ERMP1: variants seen among roughly 807,000 people sequenced by gnomAD.
The protein encoded by ERMP1 is Felix-ina.
Under a neutral mutation model 92.0 loss-of-function variants are expected in ERMP1, and 86 were observed. The observed-to-expected ratio is 0.93, with a 90% confidence interval of 0.79 to 1.12. ERMP1 has a LOEUF of 1.12. Ranked by LOEUF, ERMP1 falls within the 50% of genes most tolerant of loss-of-function variation. The pLI, the probability that ERMP1 is intolerant of heterozygous loss-of-function variation, is 0.00. For synonymous variants in ERMP1, 530 were observed against 412.8 expected (o/e 1.28, Z -3.44); for missense variants, 1,342 against 1,116.3 (o/e 1.20, Z -2.88).
intron 5 of ERMP1, among the ~76,000 whole-genome samples, chr9:5,866,694 A>G (rs1830674882): frequency 6.6e-6 from 1 of 152,230 alleles, no homozygotes; most frequent in Non-Finnish European, 1.5e-5. Flanking sequence ...GATTTGAATT[A>G]ATAGTATTAT....
intron 5 of ERMP1, among the ~76,000 whole-genome samples, chr9:5,863,695 C>T (rs1166532530): frequency 6.6e-6 from 1 of 152,066 alleles, no homozygotes; most frequent in African/African-American, 2.4e-5. Flanking sequence ...CTTCTTGGAG[C>T]CTTCAAAAAA....
intron 11 of ERMP1, 127 bp from the exon 12 acceptor site, chr9:5,799,135 T>C (rs1298895190): frequency 3.1e-6 from 2 of 637,012 alleles, no homozygotes; most frequent in Admixed American, 5.7e-5. Context: ...AATAAGACAC[T>C]GAGAGTTTCT....
chr9:5,801,791 C>T (rs1312935169), intron 10 of ERMP1, among the ~76,000 whole-genome samples: 1 of 151,978 alleles, frequency 6.6e-6, no homozygotes, highest in Non-Finnish European at 1.5e-5. Context: ...AGAGATGTAC[C>T]TTCAAGACTC....
At chr9:5,856,001 T>C in intron 6 of ERMP1, 1 of 317,624 alleles carries the variant, frequency 3.1e-6, no homozygotes, top group Non-Finnish European at 6.4e-6. Flanking sequence ...AGAGATGTCA[T>C]CAATCCCATG....
At position 5,826,853 on chromosome 9, in the gene ERMP1, G is replaced by A. The variant is rs551224773; in HGVS notation, c.641-1634C>T. On this transcript the variant is annotated intron_variant, in intron 2 of 14. Coordinates refer to ENST00000339450, the MANE Select transcript of ERMP1 (RefSeq NM_024896.3). ...GGGAAATTGAAAGGTATCTATACAGGGTTGATTAAAAAGTTAAACTGTCCA... is the reference window on the plus strand; with the variant it reads ...GGGAAATTGAAAGGTATCTATACAGAGTTGATTAAAAAGTTAAACTGTCCA... Among the ~76,000 whole-genome samples the A allele has an allele frequency of 9.2e-5, 14 of 152,102 alleles. No homozygotes were observed. The East Asian group carries it at 2.7e-3, about 29-fold the overall frequency.
At chr9:5,813,075 C>CT in intron 4 of ERMP1, 40 bp from the exon 5 acceptor site, 1 of 1,584,300 alleles carries the variant, frequency 6.3e-7, no homozygotes, top group African/African-American at 1.4e-5. Flanking sequence ...GGTATTCCGG[C>CT]AATTTTTTTT....
chr9:5,842,935 T>A (rs2129737872), intron 6 of ERMP1, among the ~76,000 whole-genome samples: 1 of 152,380 alleles, frequency 6.6e-6, no homozygotes, highest in Admixed American at 6.5e-5. Context: ...GATTCCTTCA[T>A]GATTCTAATA....
At chr9:5,816,701 A>G (rs1280579152) in intron 4 of ERMP1, among the ~76,000 whole-genome samples, 1 of 152,226 alleles carries the variant, frequency 6.6e-6, no homozygotes, top group Non-Finnish European at 1.5e-5. Flanking sequence ...AAAAACCTGG[A>G]AACAACATAA....
chr9:5,812,997 C>T lies in ERMP1; in HGVS notation c.913G>A (p.Ala305Thr), dbSNP rs1283877168. The change falls in exon 5 of 15, where the codon GCA (alanine) becomes ACA (threonine). Residue 305 changes from alanine (A) to threonine (T), a missense_variant. By Grantham distance (58) the Ala-to-Thr change is moderately conservative (BLOSUM62 0). Transcript: ENST00000339450. ...ACAGAAGCAAAAGGGTGTTTAGCTG[C>T]TGAAACATAAGCTTGAACCAACCAA... ...NPWLVQAYVS[A>T]AKHPFASVVA... 1 of 1,614,002 alleles carries T rather than the reference C, an allele frequency of 6.2e-7. No individual in the cohort carries two copies. The highest frequency in any genetic ancestry group is 1.7e-5 in the Admixed American group (1 of 60,022).
intron 2 of ERMP1, among the ~76,000 whole-genome samples, chr9:5,829,111 G>A (rs1000535524): frequency 6.6e-6 from 1 of 151,622 alleles, no homozygotes; most frequent in Non-Finnish European, 1.5e-5. Flanking sequence ...GCCGAGTGTG[G>A]TGGCACAGTA....
In ERMP1 at chr9:5,811,163, T is replaced by C. The variant is rs759745449; in HGVS notation, c.1275A>G (p.Val425=). 5 of 1,613,878 alleles carry C rather than the reference T, an allele frequency of 3.1e-6. No individual in the cohort carries two copies. In the East Asian group the frequency reaches 6.7e-5, roughly 22 times the overall value. The change falls in exon 7 of 15, where the codon GTA becomes GTG. Residue 425 remains valine, a synonymous_variant. Coordinates refer to ENST00000339450, the MANE Select transcript of ERMP1 (RefSeq NM_024896.3). ...TGCCCAGGTACAAAACAACACCCAT[T>C]ACCACCATGTAGTTTATGATTGAGC... The part of the protein sequence containing the change: ...RIGSIINYMV[V]MGVVLYLGKK...
Position 5,812,133 on chromosome 9 carries a change from T to C in ERMP1, c.1106A>G (p.Gln369Arg). 1 of 1,599,946 alleles carries C rather than the reference T, an allele frequency of 6.3e-7. No homozygotes were observed. The highest frequency in any genetic ancestry group is 8.5e-7 in the Non-Finnish European group (1 of 1,171,676). Residue 369 changes from glutamine (Q) to arginine (R), a missense_variant, in exon 6 of 15, where the codon CAG becomes CGG. Coordinates refer to ENST00000339450, the MANE Select transcript of ERMP1 (RefSeq NM_024896.3). The part of the protein sequence containing the change: ...TADRILTDSI[Q>R]RAGDNILAVL... ...TAAATTGGAATACCAACCTGCTCTC[T>C]GAATGGAATCTGTTAGAATTCTGTC...
intron 6 of ERMP1, among the ~76,000 whole-genome samples, chr9:5,857,802 C>A (rs936492343): frequency 9.9e-5 from 15 of 152,166 alleles, no homozygotes; most frequent in Admixed American, 7.2e-4. Context: ...TTCACTCATT[C>A]TTTTGTTCAT....
chr9:5,862,110 G>T (rs940525628), intron 5 of ERMP1, among the ~76,000 whole-genome samples: 1 of 152,000 alleles, frequency 6.6e-6, no homozygotes, highest in African/African-American at 2.4e-5. Context: ...GCTCACTGCG[G>T]CCTCTACCTC....
intron 13 of ERMP1, among the ~76,000 whole-genome samples, chr9:5,794,542 A>C (rs2131206489): frequency 1.3e-5 from 2 of 152,230 alleles, no homozygotes; most frequent in Admixed American, 1.3e-4. Flanking sequence ...TAAATTACTA[A>C]TATGAGAAAT....
chr9:5,795,297 TG>T (rs1045852898), intron 13 of ERMP1, among the ~76,000 whole-genome samples: 7 of 152,258 alleles, frequency 4.6e-5, no homozygotes, highest in African/African-American at 1.7e-4. Context: ...ACATACTCAG[TG>T]GTAAGAAACC....
chr9:5,797,840 A>G lies in ERMP1; in HGVS notation c.2363T>C (p.Ile788Thr). The G allele has an allele frequency of 4.4e-6, 7 of 1,606,206 alleles. No individual in the cohort carries two copies. The highest frequency in any genetic ancestry group is 1.1e-5 in the South Asian group (1 of 89,158). Residue 788 changes from isoleucine (I) to threonine (T), a missense_variant, in exon 13 of 15, where the codon ATA (isoleucine) becomes ACA (threonine). Physicochemically the swap from Ile to Thr is moderately conservative, Grantham distance 89. Transcript: ENST00000339450. ...ACCTGTTGCTTCAAAAGTCAATTTT[A>G]TAGAATCCCAAGGTGTCTGTTCTTT... is the stretch of plus-strand genomic sequence containing the variant. ...ISKEQTPWDSIKLTFEATGPS... is the reference protein window; with the variant it reads ...ISKEQTPWDSTKLTFEATGPS...
chr9:5,811,945 T>C (rs991733952), intron 6 of ERMP1, among the ~76,000 whole-genome samples, 180 bp downstream of exon 6: 1 of 152,184 alleles, frequency 6.6e-6, no homozygotes, highest in Non-Finnish European at 1.5e-5. Flanking sequence ...CTGACCTTAA[T>C]TGCTACACTA....
chr9:5,796,716 G>A (rs866528619), intron 13 of ERMP1, among the ~76,000 whole-genome samples: 1 of 152,136 alleles, frequency 6.6e-6, no homozygotes, highest in Non-Finnish European at 1.5e-5. Flanking sequence ...TTGCTAAGGA[G>A]AGTGGGAAGA....
Sources: gnomAD v4.1 joint callset for allele counts (sites outside exome capture counted in the v4.1 genomes callset) on GRCh38, gnomAD v4.1.1 for gene constraint, MANE v1.5 for transcripts, NCBI Gene and HGNC (gene_info 2026-07-23, HGNC 2026-07-21) for gene names.